ECI2: variants seen among roughly 807,000 people sequenced by gnomAD.
The protein encoded by ECI2 is enoyl-CoA delta isomerase 2, also known as D3,D2-enoyl-CoA isomerase.
A neutral mutation model predicts 38.4 loss-of-function variants in ECI2; 27 were observed. The observed-to-expected ratio is 0.70, with a 90% confidence interval of 0.52 to 0.97. ECI2 has a LOEUF of 0.97. Among genes scored for constraint, ECI2 ranks in the 50% least tolerant of loss-of-function variants. The pLI is 0.00. For missense variants in ECI2, 470 were observed against 474.4 expected, an observed-to-expected ratio of 0.99 and a Z score of 0.09; for synonymous variants, 168 against 172.0, an observed-to-expected ratio of 0.98 and a Z score of 0.18.
At chr6:4,134,662 A>C (rs540156174) in intron 1 of ECI2, among the ~76,000 whole-genome samples, 7 of 152,368 alleles carry the variant, frequency 4.6e-5, no homozygotes, top group Admixed American at 3.3e-4. Context: ...GACTATTAGT[A>C]ACTGATTCAG....
At chr6:4,119,091 T>G in intron 8 of ECI2, 95 bp downstream of exon 8, 1 of 1,030,000 alleles carries the variant, frequency 9.7e-7, no homozygotes, top group Non-Finnish European at 1.4e-6. Flanking sequence ...TTTGTCCATA[T>G]TACCAAGGGA....
chr6:4,132,128 G>A (rs543441747), intron 2 of ECI2, among the ~76,000 whole-genome samples: 5 of 152,242 alleles, frequency 3.3e-5, no homozygotes, highest in South Asian at 2.1e-4. Context: ...GCTGTTAAAC[G>A]CACAATTAAT....
At chr6:4,119,461 C>T (rs1467786246) in intron 7 of ECI2, among the ~76,000 whole-genome samples, 186 bp from the exon 8 acceptor site, 2 of 152,094 alleles carry the variant, frequency 1.3e-5, no homozygotes, top group African/African-American at 4.8e-5. Flanking sequence ...GCTACGATTA[C>T]AGGCATGCGC....
chr6:4,122,050 C>A (rs1290798306), intron 7 of ECI2: 2 of 1,560,226 alleles, frequency 1.3e-6, no homozygotes, highest in Non-Finnish European at 8.7e-7. Flanking sequence ...CAAACAGGTA[C>A]ATGCAAAGTT....
intron 2 of ECI2, among the ~76,000 whole-genome samples, chr6:4,131,281 C>T (rs1210506750): frequency 2.6e-5 from 4 of 152,068 alleles, no homozygotes; most frequent in Middle Eastern, 3.4e-3. Context: ...CAAAAAAAAA[C>T]ACCACTAATT....
Position 4,133,688 on chromosome 6 carries a change from G to A in ECI2, c.74C>T (p.Pro25Leu), listed in dbSNP as rs540204706. 3.4e-5 allele frequency: 54 copies of A among 1,611,144 alleles called. No individual in the cohort carries two copies. The highest frequency in any genetic ancestry group is 4.3e-5 in the Non-Finnish European group (51 of 1,179,138). Residue 25 changes from proline to leucine, a missense_variant, in exon 2 of 10, where the codon CCG becomes CTG. By Grantham distance (98) the Pro-to-Leu change is moderately conservative. Coordinates refer to ENST00000380118, the MANE Select transcript of ECI2 (RefSeq NM_206836.3). ...TCTATTCATGTGCAGCTGAACTACC[G>A]GGAAACTAGTGACCTGCAGAGAACT... is the stretch of plus-strand genomic sequence containing the variant. ...CPSSLQVTSF[P>L]VVQLHMNRTA...
intron 5 of ECI2, among the ~76,000 whole-genome samples, chr6:4,127,418 T>A (rs895044536): frequency 4.4e-5 from 6 of 136,904 alleles, no homozygotes; most frequent in African/African-American, 1.6e-4. Context: ...TTTTTTTTTT[T>A]TTTTTTTTTT....
chr6:4,121,974 A>G, intron 7 of ECI2: 1 of 1,599,264 alleles, frequency 6.3e-7, no homozygotes. Flanking sequence ...AAATGTACCC[A>G]GAAGACACAG....
chr6:4,130,276 T>C, intron 4 of ECI2, 96 bp downstream of exon 4: 1 of 1,613,386 alleles, frequency 6.2e-7, no homozygotes, highest in Non-Finnish European at 8.5e-7. Context: ...AGAGATATCT[T>C]AAAATAGGAA....
chr6:4,130,031 C>A (rs1773420259), intron 4 of ECI2: 1 of 1,281,528 alleles, frequency 7.8e-7, no homozygotes, highest in Admixed American at 1.8e-5. Flanking sequence ...GTCTAAGTGA[C>A]ATGAAGATAC....
intron 2 of ECI2, among the ~76,000 whole-genome samples, chr6:4,131,244 C>T (rs1465233176): frequency 6.6e-6 from 1 of 152,032 alleles, no homozygotes; most frequent in Non-Finnish European, 1.5e-5. Flanking sequence ...AAACCCACAG[C>T]ATATTCCAAA....
chr6:4,132,752 ATC>A (rs150795410), intron 2 of ECI2, among the ~76,000 whole-genome samples: 3,627 of 152,040 alleles, frequency 0.024, 132 homozygotes, highest in African/African-American at 0.083. Flanking sequence ...TACTTGCTTC[ATC>A]TCTCTCTCTC....
At chr6:4,118,898 G>A (rs1772464621) in intron 8 of ECI2, 1 of 258,644 alleles carries the variant, frequency 3.9e-6, no homozygotes, top group African/African-American at 2.3e-5. Context: ...ACAGCTGCAA[G>A]GCTGAGGTGC....
chr6:4,133,257 T>C (rs116236762), intron 2 of ECI2, among the ~76,000 whole-genome samples: 229 of 152,260 alleles, frequency 1.5e-3, no homozygotes, highest in African/African-American at 5.3e-3. Flanking sequence ...AAAAATACCT[T>C]TTTCAGTTGA....
chr6:4,124,875 T>C (rs1488169376), intron 7 of ECI2: 1 of 341,288 alleles, frequency 2.9e-6, no homozygotes, highest in Admixed American at 3.5e-5. Flanking sequence ...AAATTCTAAA[T>C]CCATTTACTC....
At chr6:4,117,217 T>A in intron 9 of ECI2, 91 bp downstream of exon 9, 1 of 1,471,574 alleles carries the variant, frequency 6.8e-7, no homozygotes, top group Admixed American at 2.3e-5. Context: ...ATGTGTCTTG[T>A]GCTTTTTATG....
chr6:4,125,685 G>A (rs572841552), intron 6 of ECI2: 14 of 440,382 alleles, frequency 3.2e-5, no homozygotes, highest in African/African-American at 2.2e-4. Flanking sequence ...TTGGGTGACT[G>A]AGCACATGCT....
intron 7 of ECI2, among the ~76,000 whole-genome samples, chr6:4,120,481 C>T (rs531017808): frequency 6.6e-6 from 1 of 152,256 alleles, no homozygotes; most frequent in South Asian, 2.1e-4. Context: ...AATCCCAACA[C>T]TTTGGGAGGC....
At chr6:4,122,006 A>G in intron 7 of ECI2, 2 of 1,608,210 alleles carry the variant, frequency 1.2e-6, no homozygotes, top group Non-Finnish European at 1.7e-6. Flanking sequence ...CAAGCAGGAA[A>G]CTGAGAAACC....
Sources: allele counts gnomAD v4.1 joint callset (sites outside exome capture counted in the v4.1 genomes callset), GRCh38; gene constraint gnomAD v4.1.1; transcripts MANE v1.5; gene names NCBI Gene and HGNC (gene_info 2026-07-23, HGNC 2026-07-21).